The following PDZD8 variants were observed in gnomAD, a reference collection of about 807,000 sequenced individuals.
PDZD8 encodes PDZ domain-containing protein 8.
A neutral mutation model predicts 85.8 loss-of-function variants in PDZD8; 14 were observed. The ratio of observed to expected loss-of-function variants is 0.16; its 90% CI spans 0.11 to 0.26. The LOEUF is 0.26. Among genes scored for constraint, PDZD8 ranks in the 10% least tolerant of loss-of-function variants. The pLI is 1.00. For missense variants in PDZD8, 1,197 were observed against 1,424.3 expected (o/e 0.84, Z 2.57); for synonymous variants, 592 against 568.6 (o/e 1.04, Z -0.59).
At position 117,284,851 on chromosome 10, in the gene PDZD8, C is replaced by T. The variant is rs373053186; in HGVS notation, c.1882G>A (p.Val628Ile). The T allele has an allele frequency of 1.2e-6, 2 of 1,614,186 alleles. No homozygotes were observed. The highest frequency in any genetic ancestry group is 1.7e-6 in the Non-Finnish European group (2 of 1,180,032). ...KPEKVVPPPL[V>I]DKSAEKQAKN... ...GCTTGCTTTTCAGCAGATTTATCTACAAGAGGAGGTGGCACCACCTTCTCT... is the reference window on the plus strand; with the variant it reads ...GCTTGCTTTTCAGCAGATTTATCTATAAGAGGAGGTGGCACCACCTTCTCT... Residue 628 changes from valine to isoleucine, a missense_variant, in exon 5 of 5, where the codon GTA becomes ATA. Physicochemically the swap from Val to Ile is conservative, Grantham distance 29. Coordinates refer to ENST00000334464, the MANE Select transcript of PDZD8 (RefSeq NM_173791.5).
intron 3 of PDZD8, among the ~76,000 whole-genome samples, chr10:117,317,148 A>G (rs1341813792): frequency 6.6e-6 from 1 of 152,212 alleles, no homozygotes; most frequent in East Asian, 1.9e-4. Flanking sequence ...TTTATTCTGT[A>G]TATTCATTAT....
At chr10:117,332,855 T>C (rs1844444001) in intron 2 of PDZD8, among the ~76,000 whole-genome samples, 1 of 148,444 alleles carries the variant, frequency 6.7e-6, no homozygotes, top group Admixed American at 6.7e-5. Context: ...TGGTGGCTCA[T>C]GCCTGTAATC....
At chr10:117,371,728 C>T (rs1196823943) in intron 1 of PDZD8, among the ~76,000 whole-genome samples, 1 of 152,088 alleles carries the variant, frequency 6.6e-6, no homozygotes. Context: ...TGAATGAACC[C>T]AGGAGTTCCA....
rs769632595 is a variant in PDZD8, at chr10:117,284,952, C to T, written c.1781G>A (p.Arg594Gln). The T allele has an allele frequency of 6.8e-6, 11 of 1,613,948 alleles. No individual in the cohort carries two copies. The Admixed American group carries it at 1.2e-4, about 17-fold the overall frequency. ...GSAFKPPVPPRPQAKVPLPSA... is the reference protein window; with the variant it reads ...GSAFKPPVPPQPQAKVPLPSA... ...AGGCAAAGGAACTTTCGCTTGTGGT[C>T]GTGGTGGCACAGGTGGTTTGAAAGC... The change falls in exon 5 of 5, where the codon CGA (arginine) becomes CAA (glutamine). Residue 594 changes from arginine to glutamine, a missense_variant. By Grantham distance (43) the Arg-to-Gln change is conservative (BLOSUM62 1). Transcript: ENST00000334464.
At chr10:117,342,981 C>T (rs1844642159) in intron 1 of PDZD8, among the ~76,000 whole-genome samples, 1 of 152,182 alleles carries the variant, frequency 6.6e-6, no homozygotes, top group East Asian at 1.9e-4. Context: ...ATGCTGCTTT[C>T]ACTCTTCTCT....
intron 3 of PDZD8, among the ~76,000 whole-genome samples, chr10:117,298,564 G>A (rs1378657954): frequency 1.3e-5 from 2 of 151,884 alleles, no homozygotes; most frequent in Non-Finnish European, 2.9e-5. Context: ...CATCAATACA[G>A]TTATACCCCT....
chr10:117,324,467 AT>A (rs1349760532), intron 2 of PDZD8, among the ~76,000 whole-genome samples: 3 of 152,134 alleles, frequency 2.0e-5, no homozygotes, highest in Non-Finnish European at 4.4e-5. Flanking sequence ...CTCTCATCAG[AT>A]TTTTAGCCAT....
intron 1 of PDZD8, among the ~76,000 whole-genome samples, chr10:117,364,420 T>C (rs946194038): frequency 1.3e-5 from 2 of 152,022 alleles, no homozygotes; most frequent in African/African-American, 2.4e-5. Context: ...TTTGTGAAAA[T>C]TCATCACTGT....
At chr10:117,319,198 A>C (rs1844182750) in intron 2 of PDZD8, among the ~76,000 whole-genome samples, 1 of 152,168 alleles carries the variant, frequency 6.6e-6, no homozygotes, top group East Asian at 1.9e-4. Context: ...TCAGCAGCTA[A>C]GTCAAACAAA....
At chr10:117,349,321 G>C (rs75906033) in intron 1 of PDZD8, among the ~76,000 whole-genome samples, 3 of 152,248 alleles carry the variant, frequency 2.0e-5, no homozygotes, top group African/African-American at 4.8e-5. Context: ...ATCTGAGTAA[G>C]GCAATTTGAT....
chr10:117,321,953 C>T (rs2133814968), intron 2 of PDZD8, among the ~76,000 whole-genome samples: 1 of 152,232 alleles, frequency 6.6e-6, no homozygotes, highest in East Asian at 1.9e-4. Context: ...TAATAACATT[C>T]TTAACAATAA....
intron 2 of PDZD8, among the ~76,000 whole-genome samples, chr10:117,329,688 G>A (rs1366367779): frequency 3.3e-5 from 5 of 151,968 alleles, no homozygotes; most frequent in Admixed American, 2.0e-4. Context: ...GCTCATGCCT[G>A]TAATCCCAGC....
chr10:117,360,339 T>C (rs925481792), intron 1 of PDZD8, among the ~76,000 whole-genome samples: 8 of 151,564 alleles, frequency 5.3e-5, no homozygotes, highest in Non-Finnish European at 1.2e-4. Flanking sequence ...CAACCCACAA[T>C]GTAAGGGTCC....
At position 117,280,424 on chromosome 10, in the gene PDZD8, ACCAGAAGATAATT is replaced by A. The variant is rs1844560909; in HGVS notation, c.*2831_*2843del. The A allele has an allele frequency of 6.6e-6, 1 of 152,202 alleles. No individual in the cohort carries two copies. The highest frequency in any genetic ancestry group is 2.1e-4 in the South Asian group (1 of 4,826). The allele number at this position is 152,202 out of a possible 1,614,324, so 9.4% of individuals were successfully genotyped here. On this transcript the variant is annotated 3_prime_UTR_variant, in exon 5 of 5. Coordinates refer to ENST00000334464, the MANE Select transcript of PDZD8 (RefSeq NM_173791.5). ...ATGCTTTTCTGCATGGCCAAATTAT[ACCAGAAGATAATT>A]CCATAGAGATGCAGCAATCACCTTT...
intron 4 of PDZD8, among the ~76,000 whole-genome samples, chr10:117,289,083 G>C (rs1589995485): frequency 6.6e-6 from 1 of 152,264 alleles, no homozygotes; most frequent in South Asian, 2.1e-4. Flanking sequence ...GGAGGAGTCT[G>C]TGAGAAATGA....
intron 1 of PDZD8, among the ~76,000 whole-genome samples, chr10:117,343,797 T>A (rs376045302): frequency 7.2e-5 from 11 of 152,216 alleles, no homozygotes; most frequent in African/African-American, 2.7e-4. Flanking sequence ...TTTAAATGAA[T>A]ATACTAAACG....
At chr10:117,361,758 TA>T (rs1183422150) in intron 1 of PDZD8, among the ~76,000 whole-genome samples, 3 of 151,982 alleles carry the variant, frequency 2.0e-5, no homozygotes, top group Non-Finnish European at 4.4e-5. Context: ...ACCCCAGATT[TA>T]AAAAAAAGAC....
In PDZD8 at chr10:117,285,040, G is replaced by A; in HGVS notation, c.1693C>T (p.Pro565Ser). The change falls in exon 5 of 5, where the codon CCA (proline) becomes TCA (serine). Residue 565 changes from proline (P) to serine (S), a missense_variant. Transcript: ENST00000334464. ...GTTATCTCAGAAGTTTTTAGGGGTGGAGGTTTATTTCCATCTTTGGACTGA... is the reference window on the plus strand; with the variant it reads ...GTTATCTCAGAAGTTTTTAGGGGTGAAGGTTTATTTCCATCTTTGGACTGA... Reference protein sequence around the residue: ...KIQSKDGNKPPPLKTSEITDP... With the variant: ...KIQSKDGNKPSPLKTSEITDP... 2.5e-6 allele frequency: 4 copies of A among 1,613,952 alleles called. No homozygotes were observed. Among genetic ancestry groups the A allele is most frequent in the Non-Finnish European group, 3.4e-6 (4 of 1,179,872 alleles).
At position 117,283,430 on chromosome 10, in the gene PDZD8, T is replaced by C. The variant is rs1488987972; in HGVS notation, c.3303A>G (p.Ile1101Met). 2 of 1,614,006 alleles carry C rather than the reference T, an allele frequency of 1.2e-6. No individual in the cohort carries two copies. The highest frequency in any genetic ancestry group is 1.3e-5 in the African/African-American group (1 of 74,940). ...MIHYRAGIED[I>M]ETLESLSLDQ... ...CTAAAGACAGACTTTCTAAAGTTTC[T>C]ATATCTTCAATGCCTGCTCTGTAGT... Residue 1101 changes from isoleucine to methionine, a missense_variant, in exon 5 of 5, where the codon ATA becomes ATG. Coordinates refer to ENST00000334464, the MANE Select transcript of PDZD8 (RefSeq NM_173791.5).
Sources: allele counts gnomAD v4.1 joint callset (sites outside exome capture counted in the v4.1 genomes callset), GRCh38; gene constraint gnomAD v4.1.1; transcripts MANE v1.5; gene names NCBI Gene and HGNC (gene_info 2026-07-23, HGNC 2026-07-21).